The following EIF4E3 variants were observed in gnomAD, a reference collection of about 807,000 sequenced individuals.
The protein encoded by EIF4E3 is eukaryotic translation initiation factor 4E family member 3, also known as eukaryotic translation initiation factor 4E type 3.
Under a neutral mutation model 31.7 loss-of-function variants are expected in EIF4E3, and 26 were observed. The observed-to-expected ratio is 0.82, with a 90% CI of 0.60 to 1.14. The LOEUF (loss-of-function observed/expected upper bound fraction) is 1.14. Ranked by LOEUF, EIF4E3 falls within the 50% of genes most tolerant of loss-of-function variation. The probability of loss-of-function intolerance (pLI) is 0.00; values close to 1 mark genes in which losing one functional copy is unlikely to be tolerated. For synonymous variants in EIF4E3, 128 were observed against 107.7 expected, an observed-to-expected ratio of 1.19 and a Z score of -1.17; for missense variants, 304 against 270.9, an observed-to-expected ratio of 1.12 and a Z score of -0.86.
intron 1 of EIF4E3, among the ~76,000 whole-genome samples, chr3:71,751,444 CAGT>C (rs1310469839): frequency 6.6e-6 from 1 of 152,128 alleles, no homozygotes; most frequent in Non-Finnish European, 1.5e-5. Context: ...GGCAAGTGCT[CAGT>C]AAAAGGTGGC....
intron 1 of EIF4E3, among the ~76,000 whole-genome samples, chr3:71,746,047 T>C (rs1237380537): frequency 6.6e-6 from 1 of 152,240 alleles, no homozygotes; most frequent in Non-Finnish European, 1.5e-5. Context: ...TACTAGCAGA[T>C]ACAATCCCAG....
chr3:71,750,971 C>T lies in EIF4E3; in HGVS notation c.-291+2492G>A, dbSNP rs373921281. On this transcript the variant is annotated intron_variant, in intron 1 of 7. Transcript: ENST00000295612. ...TAGAGACGGGGTTTCACCGTGTTAG[C>T]CAGGATAGTCTCGATCTCCTGACCT... is the stretch of plus-strand genomic sequence containing the variant. Among the ~76,000 whole-genome samples, 29 of 152,082 alleles carry T rather than the reference C, an allele frequency of 1.9e-4. 1 individual carries two copies. In the South Asian group the frequency reaches 5.2e-3, roughly 27 times the overall value.
At chr3:71,692,240 C>T (rs1020091896) in intron 5 of EIF4E3, among the ~76,000 whole-genome samples, 6 of 152,188 alleles carry the variant, frequency 3.9e-5, no homozygotes, top group African/African-American at 1.2e-4. Context: ...GGAGGAGCCA[C>T]TGCTTAAAGA....
chr3:71,752,880 G>T (rs2049947647), intron 1 of EIF4E3, among the ~76,000 whole-genome samples: 1 of 152,194 alleles, frequency 6.6e-6, no homozygotes, highest in Non-Finnish European at 1.5e-5. Context: ...GACAAATGCG[G>T]TGTGTCTGAG....
chr3:71,663,185 C>T, the EIF4E3 span, among the ~76,000 whole-genome samples: 96 of 152,282 alleles, frequency 6.3e-4, 1 homozygote, highest in South Asian at 0.016. Context: ...GATTGGGACA[C>T]TGGGCGAAGG....
intron 2 of EIF4E3, among the ~76,000 whole-genome samples, chr3:71,700,626 A>G (rs928562060): frequency 1.3e-5 from 2 of 151,532 alleles, no homozygotes; most frequent in African/African-American, 4.9e-5. Flanking sequence ...AAAAAAAAAA[A>G]AAAAAAATCA....
intron 1 of EIF4E3, among the ~76,000 whole-genome samples, chr3:71,719,311 CAAGTTT>C (rs1431107404): frequency 6.6e-6 from 1 of 152,140 alleles, no homozygotes; most frequent in Admixed American, 6.5e-5. Flanking sequence ...CAGTAACTCT[CAAGTTT>C]GGATTTCTAT....
At chr3:71,711,338 C>A (rs981897102) in intron 1 of EIF4E3, among the ~76,000 whole-genome samples, 3 of 152,164 alleles carry the variant, frequency 2.0e-5, no homozygotes, top group African/African-American at 7.2e-5. Context: ...TTTCATCACA[C>A]AAATAATGCA....
intron 1 of EIF4E3, among the ~76,000 whole-genome samples, chr3:71,748,026 A>G: frequency 6.6e-6 from 1 of 152,174 alleles, no homozygotes. Flanking sequence ...TTCCTTCCCA[A>G]CATTCAAGTG....
chr3:71,668,098 C>G, the EIF4E3 span, among the ~76,000 whole-genome samples: 1 of 152,128 alleles, frequency 6.6e-6, no homozygotes, highest in African/African-American at 2.4e-5. Flanking sequence ...GAAATAACAC[C>G]ACACATCTAT....
chr3:71,683,011 G>GA lies in EIF4E3; in HGVS notation c.*1670dup, dbSNP rs1179681039. ...GTTGAATGTTAGTACAATGTTTGGA[G>GA]AAACAAGTCCTAGGCTTTTGCTAAC... On this transcript the variant is annotated 3_prime_UTR_variant, in exon 7 of 7. Transcript: ENST00000425534. 6.6e-6 allele frequency: 1 copy of GA among 151,662 alleles called. No individual in the cohort carries two copies. The highest frequency in any genetic ancestry group is 1.5e-5 in the Non-Finnish European group (1 of 67,950). The allele number at this position is 151,662 out of a possible 1,614,324, so 9.4% of individuals were successfully genotyped here.
intron 1 of EIF4E3, among the ~76,000 whole-genome samples, chr3:71,748,870 G>A (rs979661659): frequency 1.3e-5 from 2 of 152,122 alleles, no homozygotes; most frequent in Non-Finnish European, 2.9e-5. Flanking sequence ...GCAACACAGA[G>A]TCAGAAATTA....
chr3:71,725,415 G>A (rs895614307), upstream of EIF4E3: 2 of 973,732 alleles, frequency 2.1e-6, no homozygotes, highest in East Asian at 2.4e-4. The surrounding 1 kb of genome is among the most constrained non-coding windows in gnomAD (Gnocchi z 6.1). Context: ...ACCGCGGGGC[G>A]AGCGCGGCTG....
intron 2 of EIF4E3, among the ~76,000 whole-genome samples, chr3:71,708,244 T>G (rs2049322851): frequency 1.3e-5 from 2 of 152,164 alleles, no homozygotes; most frequent in South Asian, 4.1e-4. Context: ...AGTACTGTAT[T>G]ATTCCATCAA....
intron 1 of EIF4E3, among the ~76,000 whole-genome samples, chr3:71,715,355 T>C (rs959666416): frequency 1.3e-5 from 2 of 152,234 alleles, no homozygotes; most frequent in African/African-American, 4.8e-5. Flanking sequence ...GGGGATACAA[T>C]GGTGATCATT....
chr3:71,719,114 C>G (rs930198960), intron 1 of EIF4E3, among the ~76,000 whole-genome samples: 2 of 152,170 alleles, frequency 1.3e-5, no homozygotes, highest in Admixed American at 1.3e-4. Flanking sequence ...GTACTGCACC[C>G]TTTAGGGTGG....
chr3:71,727,206 G>A (rs1428976164), upstream of EIF4E3, among the ~76,000 whole-genome samples: 2 of 152,176 alleles, frequency 1.3e-5, no homozygotes. Context: ...TCCCTCCCAA[G>A]ACTATCAATC....
Position 71,725,307 on chromosome 3 carries a change from C to T in EIF4E3, c.61G>A (p.Ala21Thr). 3.1e-6 allele frequency: 3 copies of T among 982,622 alleles called. No homozygotes were observed. The highest frequency in any genetic ancestry group is 2.4e-6 in the Non-Finnish European group (2 of 827,536). 60.9% of individuals were successfully genotyped at this position (982,622 alleles called of 1,614,324 possible). A position where few individuals can be genotyped will look rare whatever the true frequency, so the allele number is the denominator to read the frequency against. ...TCGGGGGCGGCGGCAGCGGCGGCGG[C>T]GCGGGACCCCGGCGGCTCCCGGGCC... is the stretch of plus-strand genomic sequence containing the variant. ...AGAREPPGSR[A>T]AAAAAAPEPP... Residue 21 changes from alanine (A) to threonine (T), a missense_variant, in exon 1 of 7, where the codon GCC becomes ACC. Transcript: ENST00000425534. This position sits in a 1 kb window ranked among gnomAD's most constrained non-coding sequence, Gnocchi z 6.1.
In EIF4E3 at chr3:71,678,451, C is replaced by T. The variant is rs1205610957; in HGVS notation, c.*6231G>A. 6.6e-6 allele frequency: 1 copy of T among 152,078 alleles called. No homozygotes were observed. Among genetic ancestry groups the T allele is most frequent in the East Asian group, 1.9e-4 (1 of 5,194 alleles). 9.4% of individuals were successfully genotyped at this position (152,078 alleles called of 1,614,324 possible). On this transcript the variant is annotated 3_prime_UTR_variant, in exon 7 of 7. Transcript: ENST00000425534. Reference sequence around the variant, plus strand: ...TTGCACTAAACACATAAATCACTACCTTTTCAAGTAAGAAAAGTATAGTCT... The same window carrying T: ...TTGCACTAAACACATAAATCACTACTTTTTCAAGTAAGAAAAGTATAGTCT...
Sources: allele counts gnomAD v4.1 joint callset (sites outside exome capture counted in the v4.1 genomes callset), GRCh38; gene constraint gnomAD v4.1.1; non-coding constraint Gnocchi (gnomAD v3.1); transcripts MANE v1.5; gene names NCBI Gene and HGNC (gene_info 2026-07-23, HGNC 2026-07-21).